Variants in EIF4EBP2 observed in about 807,000 individuals in gnomAD.
The protein encoded by EIF4EBP2 is eukaryotic translation initiation factor 4E-binding protein 2.
A neutral mutation model predicts 10.3 loss-of-function variants in EIF4EBP2; 5 were observed. The observed-to-expected ratio is 0.48, with a 90% CI of 0.25 to 1.02. The LOEUF (loss-of-function observed/expected upper bound fraction) is 1.02. Among genes scored for constraint, EIF4EBP2 ranks in the 50% least tolerant of loss-of-function variants. EIF4EBP2 has a pLI of 0.15. For synonymous variants in EIF4EBP2, 67 were observed against 61.1 expected, an observed-to-expected ratio of 1.10 and a Z score of -0.45; for missense variants, 188 against 162.2, an observed-to-expected ratio of 1.16 and a Z score of -0.86.
chr10:70,410,475 C>G (rs1845032995), intron 1 of EIF4EBP2, among the ~76,000 whole-genome samples: 1 of 152,230 alleles, frequency 6.6e-6, no homozygotes, highest in Non-Finnish European at 1.5e-5. Context: ...CTGAAGAATA[C>G]AGAGTTAGGC....
intron 2 of EIF4EBP2, among the ~76,000 whole-genome samples, chr10:70,421,111 T>C (rs529856813): frequency 3.9e-5 from 6 of 152,220 alleles, no homozygotes; most frequent in African/African-American, 7.2e-5. Flanking sequence ...GTTTCTTATA[T>C]GAGTTTCTTT....
At chr10:70,416,347 G>T (rs997883187) in intron 1 of EIF4EBP2, among the ~76,000 whole-genome samples, 3 of 152,224 alleles carry the variant, frequency 2.0e-5, no homozygotes, top group Non-Finnish European at 2.9e-5. Flanking sequence ...TTGGGAGGCC[G>T]AGCTGGGCAG....
In EIF4EBP2 at chr10:70,428,405, G is replaced by T. The variant is rs765586478; in HGVS notation, c.*6658G>T. 6.6e-6 allele frequency: 1 copy of T among 152,108 alleles called. No homozygotes were observed. The highest frequency in any genetic ancestry group is 2.4e-5 in the African/African-American group (1 of 41,410). The allele number at this position is 152,108 out of a possible 1,614,324, so 9.4% of individuals were successfully genotyped here. A position where few individuals can be genotyped will look rare whatever the true frequency, so the allele number is the denominator to read the frequency against. ...TTCCCTTTGTCTCCCATGATGTGTT[G>T]TTCCCTCATCCCTCCCATCCATTTC... On this transcript the variant is annotated 3_prime_UTR_variant, in exon 3 of 3. Transcript: ENST00000373218.
chr10:70,410,599 C>T (rs1312498680), intron 1 of EIF4EBP2, among the ~76,000 whole-genome samples: 2 of 152,240 alleles, frequency 1.3e-5, no homozygotes, highest in Non-Finnish European at 2.9e-5. Flanking sequence ...CATGAATGTT[C>T]TATAACTCAG....
intron 2 of EIF4EBP2, among the ~76,000 whole-genome samples, chr10:70,421,131 T>C (rs1032313135): frequency 6.6e-6 from 1 of 152,226 alleles, no homozygotes; most frequent in African/African-American, 2.4e-5. Flanking sequence ...TTATATGGTG[T>C]GAGGAAAAGC....
At chr10:70,412,094 C>T (rs1845051719) in intron 1 of EIF4EBP2, among the ~76,000 whole-genome samples, 1 of 152,110 alleles carries the variant, frequency 6.6e-6, no homozygotes, top group Non-Finnish European at 1.5e-5. Flanking sequence ...AGTGTTTGGT[C>T]TGGTGGGCAT....
At position 70,420,022 on chromosome 10, in the gene EIF4EBP2, G is replaced by A. The variant is rs765350619; in HGVS notation, c.254G>A (p.Gly85Asp). 3 of 1,613,108 alleles carry A rather than the reference G, an allele frequency of 1.9e-6. No homozygotes were observed. The African/African-American group carries it at 4.0e-5, about 22-fold the overall frequency. Reference sequence around the variant, plus strand: ...AATATCCCAGGAGTCACTAGCCCTGGCACCTTAATTGAAGACTCCAAAGTA... The same window carrying A: ...AATATCCCAGGAGTCACTAGCCCTGACACCTTAATTGAAGACTCCAAAGTA... ...LPNIPGVTSP[G>D]TLIEDSKVEV... is the part of the protein sequence containing the mutation. Residue 85 changes from glycine to aspartate, a missense_variant, in exon 2 of 3, where the codon GGC becomes GAC. By Grantham distance (94) the Gly-to-Asp change is moderately conservative. Transcript: ENST00000373218.
rs1410452255 is a variant in EIF4EBP2, at chr10:70,424,648, G to T, written c.*2901G>T. ...CTTTGAGACAGCTCTTAACATCTTA[G>T]TGACCATTTGTAGTTTTCTTTTTAT... is the stretch of plus-strand genomic sequence containing the variant. On this transcript the variant is annotated 3_prime_UTR_variant, in exon 3 of 3. Transcript: ENST00000373218. 6.6e-6 allele frequency: 1 copy of T among 152,224 alleles called. No individual in the cohort carries two copies. The highest frequency in any genetic ancestry group is 1.5e-5 in the Non-Finnish European group (1 of 68,036). 9.4% of individuals were successfully genotyped at this position (152,224 alleles called of 1,614,324 possible).
At chr10:70,418,496 C>T (rs1845121019) in intron 1 of EIF4EBP2, among the ~76,000 whole-genome samples, 1 of 152,290 alleles carries the variant, frequency 6.6e-6, no homozygotes, top group South Asian at 2.1e-4. Context: ...TTCAGCTGTA[C>T]AGAGCACCAA....
At chr10:70,411,009 C>A (rs763121918) in intron 1 of EIF4EBP2, among the ~76,000 whole-genome samples, 2 of 152,134 alleles carry the variant, frequency 1.3e-5, no homozygotes, top group African/African-American at 2.4e-5. Context: ...TTGTAAGCAT[C>A]TTTTTTCTTA....
chr10:70,404,526 T>A lies in EIF4EBP2; in HGVS notation c.125T>A (p.Leu42His). ...HDYCTTPGGTLFSTTPGGTRI... is the reference protein window; with the variant it reads ...HDYCTTPGGTHFSTTPGGTRI... Reference sequence around the variant, plus strand: ...TATTGCACCACGCCCGGGGGGACGCTCTTCTCCACCACACCGGGAGGTGAG... The same window carrying A: ...TATTGCACCACGCCCGGGGGGACGCACTTCTCCACCACACCGGGAGGTGAG... Residue 42 changes from leucine (L) to histidine (H), a missense_variant, in exon 1 of 3, where the codon CTC becomes CAC. Physicochemically the swap from Leu to His is moderately conservative, Grantham distance 99. Coordinates refer to ENST00000373218, the MANE Select transcript of EIF4EBP2 (RefSeq NM_004096.5). The A allele has an allele frequency of 6.3e-7, 1 of 1,586,830 alleles. No homozygotes were observed.
chr10:70,407,527 C>A (rs1844982737), intron 1 of EIF4EBP2, among the ~76,000 whole-genome samples: 1 of 152,144 alleles, frequency 6.6e-6, no homozygotes, highest in Non-Finnish European at 1.5e-5. Context: ...TCTACACAGA[C>A]ACGGCAACCA....
At chr10:70,411,039 T>A (rs1845038806) in intron 1 of EIF4EBP2, among the ~76,000 whole-genome samples, 1 of 152,260 alleles carries the variant, frequency 6.6e-6, no homozygotes, top group African/African-American at 2.4e-5. Context: ...AATGGTTTTT[T>A]AATACACTAT....
At chr10:70,417,086 G>C (rs1845105379) in intron 1 of EIF4EBP2, among the ~76,000 whole-genome samples, 3 of 152,182 alleles carry the variant, frequency 2.0e-5, no homozygotes. Flanking sequence ...TGATGGACTT[G>C]TTTTTATCGA....
In EIF4EBP2 at chr10:70,427,798, G is replaced by A. The variant is rs1448042077; in HGVS notation, c.*6051G>A. 1 of 152,142 alleles carries A rather than the reference G, an allele frequency of 6.6e-6. No individual in the cohort carries two copies. The highest frequency in any genetic ancestry group is 1.5e-5 in the Non-Finnish European group (1 of 68,020). The allele number at this position is 152,142 out of a possible 1,614,324, so 9.4% of individuals were successfully genotyped here. ...TTTCTAAGGGTGGGAGGCTGGCAGA[G>A]ATGCTGCAATGCTTGATAATCATTT... On this transcript the variant is annotated 3_prime_UTR_variant, in exon 3 of 3. Coordinates refer to ENST00000373218, the MANE Select transcript of EIF4EBP2 (RefSeq NM_004096.5).
rs1167072271 is a variant in EIF4EBP2, at chr10:70,404,219, A to AGCGGCG, written c.-168_-163dup. On this transcript the variant is annotated 5_prime_UTR_variant, in exon 1 of 3. Transcript: ENST00000373218. ...GCTGCTGGCTGAGGCCGGAGGATCG[A>AGCGGCG]GCGGCGGCGGCGGCGGCGGCTGAGA... Among the ~76,000 whole-genome samples the AGCGGCG allele has an allele frequency of 2.0e-5, 3 of 151,974 alleles. No individual in the cohort carries two copies. Among genetic ancestry groups the AGCGGCG allele is most frequent in the Non-Finnish European group, 2.9e-5 (2 of 67,936 alleles).
At chr10:70,408,200 C>CG (rs1452531588) in intron 1 of EIF4EBP2, among the ~76,000 whole-genome samples, 2 of 135,626 alleles carry the variant, frequency 1.5e-5, no homozygotes, top group Admixed American at 7.3e-5. Context: ...GCTGGCCGGG[C>CG]GGGGGGCTGA....
At chr10:70,411,509 C>T (rs1307405431) in intron 1 of EIF4EBP2, among the ~76,000 whole-genome samples, 4 of 152,148 alleles carry the variant, frequency 2.6e-5, no homozygotes, top group Non-Finnish European at 5.9e-5. Context: ...CCTTCATCTC[C>T]ATTTCCACTC....
At position 70,424,811 on chromosome 10, in the gene EIF4EBP2, A is replaced by G. The variant is rs1845190957; in HGVS notation, c.*3064A>G. ...TGGTTTATTGAGTTCAGCAGTTCTC[A>G]TATTCTGTTTAAATAGGTACAGCAT... On this transcript the variant is annotated 3_prime_UTR_variant, in exon 3 of 3. Coordinates refer to ENST00000373218, the MANE Select transcript of EIF4EBP2 (RefSeq NM_004096.5). 6.6e-6 allele frequency: 1 copy of G among 152,194 alleles called. No individual in the cohort carries two copies. The highest frequency in any genetic ancestry group is 1.5e-5 in the Non-Finnish European group (1 of 68,040). The allele number at this position is 152,194 out of a possible 1,614,324, so 9.4% of individuals were successfully genotyped here. A position where few individuals can be genotyped will look rare whatever the true frequency, so the allele number is the denominator to read the frequency against.
Sources: allele counts gnomAD v4.1 joint callset (sites outside exome capture counted in the v4.1 genomes callset), GRCh38; gene constraint gnomAD v4.1.1; transcripts MANE v1.5; gene names NCBI Gene and HGNC (gene_info 2026-07-23, HGNC 2026-07-21).